The following DMD variants were observed in gnomAD, a reference collection of about 807,000 sequenced individuals.
DMD encodes the protein dystrophin.
A neutral mutation model predicts 330.1 loss-of-function variants in DMD; 63 were observed. That is an observed-to-expected ratio of 0.19 (90% CI 0.16 to 0.24). The LOEUF (loss-of-function observed/expected upper bound fraction) is 0.24, where lower values mean the gene tolerates loss of function less well. Ranked by LOEUF, DMD falls within the 10% of genes least tolerant of loss-of-function variation. DMD has a pLI of 1.00. For missense variants in DMD, 3,344 were observed against 2,684.1 expected (o/e 1.25, Z -5.43); for synonymous variants, 1,223 against 959.8 (o/e 1.27, Z -5.07).
intron 53 of DMD, among the ~76,000 whole-genome samples, chrX:31,668,177 AAT>A (rs899218530): frequency 3.0e-4 from 33 of 111,837 alleles, no homozygotes; most frequent in African/African-American, 9.1e-4. Context: ...TATCTTATCA[AAT>A]ATATGATTTA....
At chrX:33,217,197 C>T (rs1423960145) in intron 1 of DMD, among the ~76,000 whole-genome samples, 1 of 111,148 alleles carries the variant, frequency 9.0e-6, no homozygotes, top group Non-Finnish European at 1.9e-5. Context: ...TAAAAAATCT[C>T]TTTAGTTAAG....
At chrX:31,175,677 G>A (rs1485437614) in intron 71 of DMD, among the ~76,000 whole-genome samples, 2 of 110,455 alleles carry the variant, frequency 1.8e-5, no homozygotes, top group African/African-American at 6.6e-5. Context: ...ACTGTTCCCC[G>A]CTTCCCACTT....
intron 11 of DMD, among the ~76,000 whole-genome samples, chrX:32,624,490 T>C (rs934836772): frequency 1.8e-5 from 2 of 111,925 alleles, no homozygotes; most frequent in African/African-American, 6.5e-5. Context: ...GTCAACGACA[T>C]TTTTGATATA....
chrX:31,990,641 G>A (rs1010358718), intron 44 of DMD, among the ~76,000 whole-genome samples: 2 of 112,138 alleles, frequency 1.8e-5, no homozygotes, highest in Admixed American at 9.5e-5. Flanking sequence ...AAAACAAATA[G>A]TTCAATTACT....
intron 50 of DMD, among the ~76,000 whole-genome samples, chrX:31,787,913 A>C (rs1302929865): frequency 1.8e-5 from 2 of 112,330 alleles, no homozygotes; most frequent in Non-Finnish European, 3.8e-5. Flanking sequence ...ACACTTACGT[A>C]GGAAAAATTG....
intron 28 of DMD, among the ~76,000 whole-genome samples, chrX:32,439,862 C>T (rs908505139): frequency 9.0e-6 from 1 of 111,424 alleles, no homozygotes; most frequent in South Asian, 3.7e-4. Context: ...AGAGCACTCG[C>T]AATTTTCCTC....
intron 11 of DMD, among the ~76,000 whole-genome samples, chrX:32,614,979 G>GT (rs2057448312): frequency 9.0e-6 from 1 of 110,637 alleles, no homozygotes; most frequent in African/African-American, 3.3e-5. Context: ...CTCTCTTGAA[G>GT]CCTAGATTCC....
chrX:31,991,393 G>A (rs777014023), intron 44 of DMD, among the ~76,000 whole-genome samples: 1 of 111,273 alleles, frequency 9.0e-6, no homozygotes, highest in East Asian at 2.8e-4. Flanking sequence ...GGAAAAAAAA[G>A]AGGTACTGAG....
chrX:32,544,343 C>A (rs1241539948), intron 17 of DMD, among the ~76,000 whole-genome samples: 2 of 111,835 alleles, frequency 1.8e-5, no homozygotes, highest in Non-Finnish European at 3.8e-5. Context: ...AACTTCTCTA[C>A]CCTGGTATAC....
At chrX:32,002,407 ATCC>A (rs1218951884) in intron 44 of DMD, among the ~76,000 whole-genome samples, 2 of 111,987 alleles carry the variant, frequency 1.8e-5, no homozygotes, top group African/African-American at 6.5e-5. Context: ...CTTCATGGTC[ATCC>A]TCCTTCTAGG....
intron 49 of DMD, among the ~76,000 whole-genome samples, chrX:31,822,651 G>GTGTGTGTGTGTGT (rs2092788616): frequency 2.1e-4 from 1 of 4,812 alleles, no homozygotes; most frequent in South Asian, 0.012. Flanking sequence ...AAAAGGCAGA[G>GTGTGTGTGTGTGT]GGGTGTGTGT....
chrX:32,897,897 A>G (rs1323069836), intron 2 of DMD, among the ~76,000 whole-genome samples: 1 of 112,113 alleles, frequency 8.9e-6, no homozygotes, highest in Non-Finnish European at 1.9e-5. Context: ...TATTCTGCCA[A>G]AATAAAGGGG....
chrX:32,393,678 AAG>A (rs1319510432), intron 30 of DMD, among the ~76,000 whole-genome samples: 4 of 111,444 alleles, frequency 3.6e-5, no homozygotes, highest in Non-Finnish European at 7.5e-5. Context: ...GGAAAGCAGA[AAG>A]AGAGAACAAA....
chrX:32,916,071 G>C (rs1569542200), intron 2 of DMD, among the ~76,000 whole-genome samples: 1 of 111,176 alleles, frequency 9.0e-6, no homozygotes, highest in Non-Finnish European at 1.9e-5. Flanking sequence ...GTATTCAGAA[G>C]AGAGGTAAAG....
chrX:31,578,853 C>A (rs1045687765), intron 55 of DMD, among the ~76,000 whole-genome samples: 1 of 112,235 alleles, frequency 8.9e-6, no homozygotes, highest in Admixed American at 9.4e-5. Flanking sequence ...ACAACAACCA[C>A]GTATCTTGTT....
intron 41 of DMD, among the ~76,000 whole-genome samples, chrX:32,324,143 G>A (rs12392986): frequency 0.2 from 21,610 of 110,329 alleles, 2,276 homozygotes; most frequent in African/African-American, 0.4. Flanking sequence ...GAAGAGAGGA[G>A]TTGAACTATT....
intron 16 of DMD, among the ~76,000 whole-genome samples, chrX:32,558,724 A>C (rs1178456544): frequency 9.0e-6 from 1 of 111,063 alleles, no homozygotes; most frequent in East Asian, 2.8e-4. Context: ...CTTTAAATTT[A>C]TAAATAAAGA....
intron 49 of DMD, among the ~76,000 whole-genome samples, chrX:31,829,410 G>A (rs185579773): frequency 1.2e-4 from 13 of 108,554 alleles, no homozygotes; most frequent in East Asian, 2.9e-4. Flanking sequence ...AACTTGTACC[G>A]CACAAATAAA....
intron 7 of DMD, among the ~76,000 whole-genome samples, chrX:32,732,350 C>A (rs1398387093): frequency 9.0e-6 from 1 of 110,874 alleles, no homozygotes; most frequent in African/African-American, 3.3e-5. Flanking sequence ...AGGATATTAT[C>A]CAGGAGAACT....
Sources: allele counts gnomAD v4.1 joint callset (sites outside exome capture counted in the v4.1 genomes callset), GRCh38; gene constraint gnomAD v4.1.1; transcripts MANE v1.5; gene names NCBI Gene and HGNC (gene_info 2026-07-23, HGNC 2026-07-21).